The following PPP2R5A variants were observed in gnomAD, a reference collection of about 807,000 sequenced individuals.
PPP2R5A encodes protein phosphatase 2 regulatory subunit B'alpha, also known as serine/threonine-protein phosphatase 2A 56 kDa regulatory subunit alpha isoform.
In PPP2R5A, 25 loss-of-function variants were observed where a neutral mutation model predicts 64.2. The ratio of observed to expected loss-of-function variants is 0.39; its 90% confidence interval spans 0.28 to 0.54. The LOEUF (loss-of-function observed/expected upper bound fraction) is 0.54, where lower values mean the gene tolerates loss of function less well. Among genes scored for constraint, PPP2R5A ranks in the 20% least tolerant of loss-of-function variants. The pLI is 0.67. For synonymous variants in PPP2R5A, 198 were observed against 201.2 expected, an observed-to-expected ratio of 0.98 and a Z score of 0.13; for missense variants, 425 against 576.3, an observed-to-expected ratio of 0.74 and a Z score of 2.69.
chr1:212,293,694 A>T (rs952714290), intron 1 of PPP2R5A, among the ~76,000 whole-genome samples: 81 of 146,108 alleles, frequency 5.5e-4, no homozygotes, highest in African/African-American at 1.3e-3. Flanking sequence ...ACATACTGGA[A>T]TTTTTTTTTT....
intron 3 of PPP2R5A, among the ~76,000 whole-genome samples, chr1:212,340,155 A>G (rs1004112344): frequency 6.6e-6 from 1 of 152,042 alleles, no homozygotes; most frequent in Non-Finnish European, 1.5e-5. Flanking sequence ...ATATATTTTT[A>G]AATCAAGACA....
At chr1:212,305,440 T>C (rs1192809973) in intron 1 of PPP2R5A, among the ~76,000 whole-genome samples, 7 of 152,120 alleles carry the variant, frequency 4.6e-5, no homozygotes, top group Admixed American at 4.6e-4. Context: ...ATCTGGTATG[T>C]GGTCTGGTCT....
intron 1 of PPP2R5A, among the ~76,000 whole-genome samples, chr1:212,292,374 T>A (rs934738810): frequency 6.6e-6 from 1 of 152,206 alleles, no homozygotes; most frequent in Admixed American, 6.5e-5. Flanking sequence ...GCAGAGTCAT[T>A]ATCTGTTTTT....
At chr1:212,337,087 A>T (rs796099221) in intron 3 of PPP2R5A, among the ~76,000 whole-genome samples, 1 of 152,214 alleles carries the variant, frequency 6.6e-6, no homozygotes, top group Non-Finnish European at 1.5e-5. Flanking sequence ...AAGAGATAGA[A>T]GAAAGGACCA....
rs1159990260 is a variant in PPP2R5A at position 212,341,877 on chromosome 1, A to G, written c.481-311A>G. On this transcript the variant is annotated intron_variant, in intron 3 of 12. Coordinates refer to ENST00000261461, the MANE Select transcript of PPP2R5A (RefSeq NM_006243.4). ...CCTCAGCCTCCCAGTAGCTGGGACAACAGACATACGCCACCATGCCTGGCT... is the reference window on the plus strand; with the variant it reads ...CCTCAGCCTCCCAGTAGCTGGGACAGCAGACATACGCCACCATGCCTGGCT... 5.9e-5 allele frequency among the ~76,000 whole-genome samples: 9 copies of G among 152,136 alleles called. No individual in the cohort carries two copies. The East Asian group carries it at 1.7e-3, about 29-fold the overall frequency.
chr1:212,325,552 T>A (rs1163618368), intron 1 of PPP2R5A, among the ~76,000 whole-genome samples: 4 of 152,048 alleles, frequency 2.6e-5, no homozygotes, highest in Non-Finnish European at 4.4e-5. Flanking sequence ...ACTATTAGCG[T>A]TAGGGAAAAA....
intron 1 of PPP2R5A, among the ~76,000 whole-genome samples, chr1:212,304,624 A>G (rs1658862268): frequency 6.6e-6 from 1 of 151,216 alleles, no homozygotes; most frequent in Admixed American, 6.6e-5. Context: ...CACAGATGCT[A>G]TAATAGTATG....
At chr1:212,289,326 T>C (rs985988115) in intron 1 of PPP2R5A, among the ~76,000 whole-genome samples, 1 of 152,242 alleles carries the variant, frequency 6.6e-6, no homozygotes, top group Non-Finnish European at 1.5e-5. Context: ...TGTTGTTTGA[T>C]AATCCATGGC....
chr1:212,359,418 TA>T (rs1660042324), intron 12 of PPP2R5A, among the ~76,000 whole-genome samples: 1 of 152,232 alleles, frequency 6.6e-6, no homozygotes, highest in Non-Finnish European at 1.5e-5. Context: ...TTTTAGAGTA[TA>T]AATGTTAGCA....
At chr1:212,326,372 T>C (rs1250572472) in intron 1 of PPP2R5A, among the ~76,000 whole-genome samples, 1 of 151,896 alleles carries the variant, frequency 6.6e-6, no homozygotes, top group African/African-American at 2.4e-5. Flanking sequence ...GGCAGGCGGA[T>C]CATTTGAGGT....
Position 212,351,259 on chromosome 1 carries a change from A to T in PPP2R5A, c.927+2017A>T, listed in dbSNP as rs561393294. Among the ~76,000 whole-genome samples the T allele has an allele frequency of 5.9e-5, 9 of 152,176 alleles. No homozygotes were observed. The East Asian group carries it at 1.5e-3, about 26-fold the overall frequency. Reference sequence around the variant, plus strand: ...TAAATACCCAGGTTAAGAAAGGAAAATATTTTCCAACTCATAAAGATCTCT... The same window carrying T: ...TAAATACCCAGGTTAAGAAAGGAAATTATTTTCCAACTCATAAAGATCTCT... On this transcript the variant is annotated intron_variant, in intron 8 of 12. Coordinates refer to ENST00000261461, the MANE Select transcript of PPP2R5A (RefSeq NM_006243.4).
intron 1 of PPP2R5A, among the ~76,000 whole-genome samples, chr1:212,295,859 G>T (rs1658682876): frequency 5.9e-5 from 9 of 152,170 alleles, no homozygotes; most frequent in Admixed American, 2.6e-4. Context: ...GTGTAAGGTG[G>T]ATAATGAGTA....
At chr1:212,286,740 A>C (rs1015964919) in intron 1 of PPP2R5A, among the ~76,000 whole-genome samples, 2 of 152,004 alleles carry the variant, frequency 1.3e-5, no homozygotes, top group African/African-American at 4.8e-5. Context: ...TACAGTTATA[A>C]AGCCGTCTGC....
At chr1:212,329,861 G>A (rs1352551680) in intron 2 of PPP2R5A, among the ~76,000 whole-genome samples, 2 of 152,096 alleles carry the variant, frequency 1.3e-5, no homozygotes, top group East Asian at 1.9e-4. Flanking sequence ...GGCCAGGCTG[G>A]TCTTGAACTC....
At chr1:212,333,638 T>C in intron 3 of PPP2R5A, 40 bp downstream of exon 3, 1 of 1,193,014 alleles carries the variant, frequency 8.4e-7, no homozygotes, top group Non-Finnish European at 1.2e-6. Flanking sequence ...TTTATATTTA[T>C]GCTATTCTGC....
At chr1:212,306,579 G>T (rs898585475) in intron 1 of PPP2R5A, among the ~76,000 whole-genome samples, 1 of 151,564 alleles carries the variant, frequency 6.6e-6, no homozygotes, top group Non-Finnish European at 1.5e-5. Context: ...AGCCACTCCA[G>T]CTTTCTTATG....
chr1:212,300,422 CAT>C (rs139792572), intron 1 of PPP2R5A, among the ~76,000 whole-genome samples: 4,312 of 151,120 alleles, frequency 0.029, 213 homozygotes, highest in African/African-American at 0.098. Flanking sequence ...TGGGAAGTGT[CAT>C]ATTTTAAACT....
At chr1:212,337,052 A>T (rs1659603261) in intron 3 of PPP2R5A, among the ~76,000 whole-genome samples, 1 of 152,200 alleles carries the variant, frequency 6.6e-6, no homozygotes, top group Non-Finnish European at 1.5e-5. Context: ...GGAAATACTA[A>T]TGAGCAATGG....
Position 212,348,284 on chromosome 1 carries a change from C to G in PPP2R5A, c.765-105C>G, listed in dbSNP as rs966595750. On this transcript the variant is annotated intron_variant, in intron 6 of 12. Coordinates refer to ENST00000261461, the MANE Select transcript of PPP2R5A (RefSeq NM_006243.4). ...TTGAAGATGAGCAGTCATACAACAC[C>G]AGGATTGAAGCATAGCACTGTTCCT... 9.8e-6 allele frequency: 7 copies of G among 714,320 alleles called. No individual in the cohort carries two copies. In the African/African-American group the frequency reaches 1.3e-4, roughly 13 times the overall value. 44.2% of individuals were successfully genotyped at this position (714,320 alleles called of 1,614,324 possible).
Sources: allele counts gnomAD v4.1 joint callset (sites outside exome capture counted in the v4.1 genomes callset), GRCh38; gene constraint gnomAD v4.1.1; transcripts MANE v1.5; gene names NCBI Gene and HGNC (gene_info 2026-07-23, HGNC 2026-07-21).